Variants in GRID2 observed in about 807,000 individuals in gnomAD.
The protein encoded by GRID2 is glutamate ionotropic receptor delta type subunit 2.
Under a neutral mutation model 114.8 loss-of-function variants are expected in GRID2, and 33 were observed. The observed-to-expected ratio is 0.29, with a 90% CI of 0.22 to 0.38. The LOEUF (loss-of-function observed/expected upper bound fraction) is 0.38. GRID2 is among the 10% of genes least tolerant of loss of function. GRID2 has a pLI of 1.00. For synonymous variants in GRID2, 505 were observed against 449.9 expected (o/e 1.12, Z -1.55); for missense variants, 1,184 against 1,257.7 (o/e 0.94, Z 0.89).
At chr4:92,938,357 CA>C (rs984806401) in intron 2 of GRID2, among the ~76,000 whole-genome samples, 1 of 146,112 alleles carries the variant, frequency 6.8e-6, no homozygotes, top group South Asian at 2.3e-4. Flanking sequence ...ACAAGAATTT[CA>C]AAAAAACTAT....
In GRID2 at chr4:92,367,325, C is replaced by A. The variant is rs569047382; in HGVS notation, c.88+62581C>A. On this transcript the variant is annotated intron_variant, in intron 1 of 15. Coordinates refer to ENST00000282020, the MANE Select transcript of GRID2 (RefSeq NM_001510.4). ...ACAATGATAAAATAATGTGCATGTA[C>A]ATCAATAAAATTGCAAAATTTTCAG... is the stretch of plus-strand genomic sequence containing the variant. Among the ~76,000 whole-genome samples, 9 of 152,062 alleles carry A rather than the reference C, an allele frequency of 5.9e-5. No homozygotes were observed. In the South Asian group the frequency reaches 1.9e-3, roughly 32 times the overall value.
At chr4:92,470,374 C>A (rs998300595) in intron 1 of GRID2, among the ~76,000 whole-genome samples, 3 of 151,192 alleles carry the variant, frequency 2.0e-5, no homozygotes, top group Non-Finnish European at 4.4e-5. Flanking sequence ...AATTTTAACC[C>A]CCTGTGAAAA....
At chr4:92,377,179 C>A (rs998481634) in intron 1 of GRID2, among the ~76,000 whole-genome samples, 1 of 152,140 alleles carries the variant, frequency 6.6e-6, no homozygotes. Flanking sequence ...TCCTTAACAG[C>A]ACCCAAGTCA....
chr4:93,523,129 A>G (rs1370765792), intron 13 of GRID2, among the ~76,000 whole-genome samples: 6 of 152,144 alleles, frequency 3.9e-5, no homozygotes, highest in African/African-American at 1.2e-4. Flanking sequence ...AGGGGCAAAG[A>G]GGATACCAAC....
intron 2 of GRID2, among the ~76,000 whole-genome samples, chr4:92,898,034 T>G (rs1382653481): frequency 1.3e-5 from 2 of 152,144 alleles, no homozygotes; most frequent in African/African-American, 4.8e-5. Flanking sequence ...AAATTGTAAG[T>G]TAAAAAAAAG....
At chr4:92,438,667 G>T (rs964443020) in intron 1 of GRID2, among the ~76,000 whole-genome samples, 7 of 150,774 alleles carry the variant, frequency 4.6e-5, no homozygotes, top group African/African-American at 9.8e-5. Context: ...CCAACTCTTC[G>T]TTGGCTACCA....
chr4:93,040,522 G>C (rs956109547), intron 2 of GRID2, among the ~76,000 whole-genome samples: 1 of 152,066 alleles, frequency 6.6e-6, no homozygotes, highest in African/African-American at 2.4e-5. Flanking sequence ...ATAATGTAAA[G>C]GGTATGTGGT....
intron 1 of GRID2, among the ~76,000 whole-genome samples, chr4:92,456,566 A>G (rs1253631851): frequency 6.6e-6 from 1 of 152,148 alleles, no homozygotes; most frequent in Non-Finnish European, 1.5e-5. Flanking sequence ...AAAGGTCTCA[A>G]TACCAACCTA....
chr4:92,994,341 TTTTGTTTG>T (rs573625295), intron 2 of GRID2, among the ~76,000 whole-genome samples: 21 of 152,068 alleles, frequency 1.4e-4, no homozygotes, highest in African/African-American at 2.4e-4. Flanking sequence ...AAGTTATTGT[TTTTGTTTG>T]TTTGTTTGTT....
chr4:93,015,850 A>G (rs1256367375), intron 2 of GRID2, among the ~76,000 whole-genome samples: 1 of 152,142 alleles, frequency 6.6e-6, no homozygotes, highest in Non-Finnish European at 1.5e-5. Flanking sequence ...TTCTTATAGC[A>G]GGCAAACCTC....
At chr4:92,489,235 G>A (rs1229507598) in intron 1 of GRID2, among the ~76,000 whole-genome samples, 2 of 152,028 alleles carry the variant, frequency 1.3e-5, no homozygotes, top group Non-Finnish European at 1.5e-5. Context: ...TTTTTTTAAT[G>A]AAGCTGTTTT....
intron 2 of GRID2, among the ~76,000 whole-genome samples, chr4:92,699,015 A>C (rs1734547832): frequency 6.6e-6 from 1 of 152,102 alleles, no homozygotes; most frequent in Admixed American, 6.5e-5. Flanking sequence ...TGCACAACTG[A>C]AATTCACTAT....
chr4:93,130,739 A>T (rs1028995631), intron 4 of GRID2, among the ~76,000 whole-genome samples: 3 of 152,156 alleles, frequency 2.0e-5, no homozygotes. Flanking sequence ...TTCAAGTCCA[A>T]ATCCCACACC....
intron 13 of GRID2, among the ~76,000 whole-genome samples, chr4:93,531,825 G>A (rs952647526): frequency 2.6e-5 from 4 of 151,786 alleles, no homozygotes; most frequent in African/African-American, 9.7e-5. Context: ...AACTCAGGAA[G>A]GTTGATTCTG....
intron 1 of GRID2, among the ~76,000 whole-genome samples, chr4:92,524,539 T>A (rs10022969): frequency 0.019 from 2,832 of 151,092 alleles, 102 homozygotes; most frequent in African/African-American, 0.066. Flanking sequence ...TGACCATGAC[T>A]CTTTTGTCTC....
intron 14 of GRID2, among the ~76,000 whole-genome samples, chr4:93,703,473 G>A (rs1727699168): frequency 6.6e-6 from 1 of 151,808 alleles, no homozygotes; most frequent in Non-Finnish European, 1.5e-5. Flanking sequence ...ACCCTGTTGT[G>A]GTAGCAAATA....
chr4:92,433,664 C>A (rs1732586377), intron 1 of GRID2, among the ~76,000 whole-genome samples: 1 of 152,144 alleles, frequency 6.6e-6, no homozygotes, highest in Non-Finnish European at 1.5e-5. Context: ...CCTCTGTCCT[C>A]AATATAATGT....
chr4:93,386,469 G>T (rs952931069), intron 8 of GRID2, among the ~76,000 whole-genome samples: 1 of 152,132 alleles, frequency 6.6e-6, no homozygotes, highest in African/African-American at 2.4e-5. Context: ...ATTGAGCTGA[G>T]CTGGGGAGGG....
chr4:93,381,255 G>A (rs989983200), intron 8 of GRID2, among the ~76,000 whole-genome samples: 5 of 151,970 alleles, frequency 3.3e-5, no homozygotes, highest in Admixed American at 2.0e-4. Context: ...CCAGCCCGTG[G>A]CAACTGCTAT....
Sources: gnomAD v4.1 joint callset for allele counts (sites outside exome capture counted in the v4.1 genomes callset) on GRCh38, gnomAD v4.1.1 for gene constraint, MANE v1.5 for transcripts, NCBI Gene and HGNC (gene_info 2026-07-23, HGNC 2026-07-21) for gene names.